Variants in DCC observed in about 807,000 individuals in gnomAD.
DCC encodes DCC netrin 1 receptor, also known as netrin receptor DCC.
In DCC, 58 loss-of-function variants were observed where a neutral mutation model predicts 172.5. That is an observed-to-expected ratio of 0.34 (90% CI 0.27 to 0.42). The LOEUF (loss-of-function observed/expected upper bound fraction) is 0.42. Ranked by LOEUF, DCC falls within the 10% of genes least tolerant of loss-of-function variation. DCC has a pLI of 1.00. For synonymous variants in DCC, 709 were observed against 644.5 expected (o/e 1.10, Z -1.52); for missense variants, 1,740 against 1,791.0 (o/e 0.97, Z 0.51).
chr18:53,347,842 G>C (rs566127349), intron 15 of DCC, among the ~76,000 whole-genome samples: 5 of 152,208 alleles, frequency 3.3e-5, no homozygotes, highest in African/African-American at 1.2e-4. Context: ...AAAACCATGA[G>C]ATCTCATGAG....
intron 10 of DCC, 119 bp from the exon 11 acceptor site, chr18:53,207,560 A>G: frequency 2.1e-6 from 2 of 968,346 alleles, no homozygotes; most frequent in African/African-American, 3.2e-5. Context: ...ATAGCTCATT[A>G]GAAGGCTGGA....
intron 7 of DCC, among the ~76,000 whole-genome samples, chr18:53,067,017 C>G (rs1443035107): frequency 6.6e-6 from 1 of 152,122 alleles, no homozygotes; most frequent in African/African-American, 2.4e-5. Context: ...ACACTACCAG[C>G]AGGGAAATCT....
chr18:52,503,591 C>A (rs1354341868), intron 1 of DCC, among the ~76,000 whole-genome samples: 1 of 152,150 alleles, frequency 6.6e-6, no homozygotes, highest in African/African-American at 2.4e-5. Flanking sequence ...AGAATTCTCT[C>A]CTTGTTCCAG....
intron 5 of DCC, among the ~76,000 whole-genome samples, chr18:52,952,680 C>T (rs1246382454): frequency 1.3e-5 from 2 of 152,058 alleles, no homozygotes; most frequent in Non-Finnish European, 1.5e-5. Flanking sequence ...TGTTGACAAT[C>T]ATTTAAATGA....
chr18:52,637,817 C>A (rs2034812135), intron 1 of DCC, among the ~76,000 whole-genome samples: 1 of 152,140 alleles, frequency 6.6e-6, no homozygotes, highest in South Asian at 2.1e-4. Flanking sequence ...GCACAAAGAA[C>A]ACCCGAGAAA....
At chr18:53,496,925 TTGAA>T (rs2046031133) in intron 26 of DCC, among the ~76,000 whole-genome samples, 1 of 151,938 alleles carries the variant, frequency 6.6e-6, no homozygotes, top group Admixed American at 6.6e-5. Context: ...AAAGGAAAAA[TTGAA>T]AGAAGGGAGT....
At chr18:53,113,975 T>G (rs1263322091) in intron 7 of DCC, among the ~76,000 whole-genome samples, 2 of 151,518 alleles carry the variant, frequency 1.3e-5, no homozygotes, top group African/African-American at 4.8e-5. Context: ...TTTCTGAAGC[T>G]TTCATTCTCT....
At chr18:53,209,135 T>C (rs895776340) in intron 11 of DCC, among the ~76,000 whole-genome samples, 26 of 152,224 alleles carry the variant, frequency 1.7e-4, no homozygotes, top group Admixed American at 1.7e-3. Flanking sequence ...GGTCTCACTT[T>C]GTTGCCCAGG....
Position 52,933,369 on chromosome 18 carries a change from A to G in DCC, c.985+7999A>G, listed in dbSNP as rs149441681. 1.8e-4 allele frequency among the ~76,000 whole-genome samples: 27 copies of G among 151,672 alleles called. No homozygotes were observed. The East Asian group carries it at 5.3e-3, about 30-fold the overall frequency. On this transcript the variant is annotated intron_variant, in intron 5 of 28. Transcript: ENST00000442544. Reference sequence around the variant, plus strand: ...CTGTTGAGAAAGAGGAAGACAAGGGACCCTGAATAAAGAATGCAACAAAGA... The same window carrying G: ...CTGTTGAGAAAGAGGAAGACAAGGGGCCCTGAATAAAGAATGCAACAAAGA...
At chr18:53,219,378 T>G (rs1433910465) in intron 12 of DCC, among the ~76,000 whole-genome samples, 2 of 152,166 alleles carry the variant, frequency 1.3e-5, no homozygotes, top group Non-Finnish European at 2.9e-5. Flanking sequence ...AATTTCAGTA[T>G]ACCAGTCAAC....
chr18:53,199,311 G>C (rs567486705), intron 9 of DCC, among the ~76,000 whole-genome samples: 3 of 151,932 alleles, frequency 2.0e-5, no homozygotes, highest in Admixed American at 6.6e-5. Flanking sequence ...GGCTGGTCTT[G>C]AACTCCTGGC....
chr18:53,141,011 A>C (rs1184824554), intron 7 of DCC, among the ~76,000 whole-genome samples: 1 of 152,184 alleles, frequency 6.6e-6, no homozygotes, highest in Non-Finnish European at 1.5e-5. Context: ...CATTAAGATA[A>C]GTGATGAGAA....
chr18:52,392,618 A>ATG (rs146013721), intron 1 of DCC, among the ~76,000 whole-genome samples: 3 of 151,772 alleles, frequency 2.0e-5, no homozygotes, highest in African/African-American at 7.3e-5. Flanking sequence ...GGGCTTAAGA[A>ATG]TGTGTGTGTG....
chr18:53,283,579 A>T (rs2144732876), intron 12 of DCC, among the ~76,000 whole-genome samples: 1 of 152,296 alleles, frequency 6.6e-6, no homozygotes, highest in East Asian at 1.9e-4. Flanking sequence ...GATAGCCTTT[A>T]TTTTATGCTT....
chr18:52,590,230 T>G (rs2033770036), intron 1 of DCC, among the ~76,000 whole-genome samples: 2 of 152,148 alleles, frequency 1.3e-5, no homozygotes. Flanking sequence ...GGTGCAATTT[T>G]TTTCAAGCTG....
At chr18:52,364,104 A>G (rs1984738679) in intron 1 of DCC, among the ~76,000 whole-genome samples, 1 of 152,246 alleles carries the variant, frequency 6.6e-6, no homozygotes, top group Non-Finnish European at 1.5e-5. Flanking sequence ...AGACAAGGTC[A>G]GGAATCTCCA....
intron 5 of DCC, among the ~76,000 whole-genome samples, chr18:52,957,248 T>C (rs2040759757): frequency 6.6e-6 from 1 of 152,162 alleles, no homozygotes; most frequent in African/African-American, 2.4e-5. Context: ...CATTAGTTTA[T>C]ATATTCATTC....
rs766901290 is a variant in DCC at position 53,459,345 on chromosome 18, C to G, written c.3506C>G (p.Ser1169Cys). Residue 1169 changes from serine to cysteine, a missense_variant, in exon 24 of 29, where the codon TCT becomes TGT. This residue lies in a region of DCC where 1,732 missense variants were observed against 1,767.4 expected (regional missense o/e 0.98). Transcript: ENST00000442544. ...EMEMKNIEKP[S>C]GTDPAGRDSP... ...GAGATGAAAAATATTGAAAAGCCAT[C>G]TGGCACTGACCCTGCAGGAAGGGAC... The G allele has an allele frequency of 3.7e-6, 6 of 1,614,016 alleles. No individual in the cohort carries two copies. The highest frequency in any genetic ancestry group is 5.1e-6 in the Non-Finnish European group (6 of 1,179,908).
At chr18:53,062,371 A>G (rs1417248980) in intron 5 of DCC, among the ~76,000 whole-genome samples, 1 of 152,116 alleles carries the variant, frequency 6.6e-6, no homozygotes, top group Non-Finnish European at 1.5e-5. Flanking sequence ...CAAAAATGAC[A>G]AAAACACAGT....
Sources: gnomAD v4.1 joint callset for allele counts (sites outside exome capture counted in the v4.1 genomes callset) on GRCh38, gnomAD v4.1.1 for gene constraint, gnomAD v4.1.1 regional missense constraint, MANE v1.5 for transcripts, NCBI Gene and HGNC (gene_info 2026-07-23, HGNC 2026-07-21) for gene names.